ASCC3: variants seen among roughly 807,000 people sequenced by gnomAD.
ASCC3 encodes activating signal cointegrator 1 complex subunit 3.
ASCC3 carries 158 observed loss-of-function variants against 256.3 expected under a neutral mutation model. The observed-to-expected ratio is 0.62, with a 90% CI of 0.54 to 0.70. ASCC3 has a LOEUF of 0.70. ASCC3 is among the 30% of genes least tolerant of loss of function. The pLI is 0.00. For synonymous variants in ASCC3, 948 were observed against 883.4 expected (o/e 1.07, Z -1.30); for missense variants, 2,259 against 2,626.0 (o/e 0.86, Z 3.05).
In ASCC3 at chr6:100,577,758, ACT is replaced by A. The variant is rs916638021; in HGVS notation, c.5550+11874_5550+11875del. 1.6e-3 allele frequency among the ~76,000 whole-genome samples: 246 copies of A among 150,834 alleles called. 1 individual carries two copies. Among genetic ancestry groups the A allele is most frequent in the Admixed American group, 5.5e-3 (84 of 15,140 alleles). On this transcript the variant is annotated intron_variant, in intron 36 of 41. Transcript: ENST00000369162. ...CCCACCCACCCACACACACACACAC[ACT>A]CTCTCACACATACACATAGGAAGTT... is the stretch of plus-strand genomic sequence containing the variant.
chr6:100,848,470 C>A lies in ASCC3; in HGVS notation c.479G>T (p.Arg160Met). The stretch of plus-strand genomic sequence containing the variant: ...TGCTAAATTTTTACCAAAAAAAACC[C>A]TATCGCCATGTTCTTTTTCTGTCAT... The part of the protein sequence containing the change: ...VQMTEKEHGD[R>M]VFFGKNLAFS... The change falls in exon 4 of 42, where the codon AGG becomes ATG. Residue 160 changes from arginine (R) to methionine (M), a missense_variant. Coordinates refer to ENST00000369162, the MANE Select transcript of ASCC3 (RefSeq NM_006828.4). The A allele has an allele frequency of 6.2e-7, 1 of 1,612,746 alleles. No homozygotes were observed. The highest frequency in any genetic ancestry group is 8.5e-7 in the Non-Finnish European group (1 of 1,179,238).
intron 16 of ASCC3, among the ~76,000 whole-genome samples, chr6:100,660,054 G>T (rs1034449984): frequency 1.8e-4 from 28 of 151,558 alleles, no homozygotes; most frequent in South Asian, 2.1e-4. Flanking sequence ...CTGTAAGTCA[G>T]AAAAATTATG....
chr6:100,831,676 A>T (rs977803675), intron 4 of ASCC3, among the ~76,000 whole-genome samples: 1 of 152,174 alleles, frequency 6.6e-6, no homozygotes, highest in African/African-American at 2.4e-5. Flanking sequence ...AGGAATGTGA[A>T]GGGGGAAGCT....
intron 37 of ASCC3, among the ~76,000 whole-genome samples, chr6:100,532,198 C>T (rs1254256418): frequency 6.6e-6 from 1 of 150,568 alleles, no homozygotes; most frequent in East Asian, 1.9e-4. Flanking sequence ...CTGTGGTTGC[C>T]AAATATTTAC....
At chr6:100,633,018 C>T (rs552357409) in intron 25 of ASCC3, among the ~76,000 whole-genome samples, 1 of 152,098 alleles carries the variant, frequency 6.6e-6, no homozygotes, top group Admixed American at 6.5e-5. Flanking sequence ...AACAGAGAGA[C>T]AATGTGAAAT....
At chr6:100,654,303 CAAA>C (rs34148231) in intron 17 of ASCC3, among the ~76,000 whole-genome samples, 1 of 107,044 alleles carries the variant, frequency 9.3e-6, no homozygotes, top group Admixed American at 9.6e-5. Flanking sequence ...ACACACAAAT[CAAA>C]AAAAAAAAAA....
chr6:100,844,558 G>A (rs1772301199), intron 4 of ASCC3, among the ~76,000 whole-genome samples: 1 of 151,906 alleles, frequency 6.6e-6, no homozygotes, highest in Non-Finnish European at 1.5e-5. Flanking sequence ...AAAATAACAT[G>A]GAATATTCAA....
chr6:100,832,373 GA>G (rs1197984948), intron 4 of ASCC3, among the ~76,000 whole-genome samples: 4 of 151,870 alleles, frequency 2.6e-5, no homozygotes, highest in Non-Finnish European at 4.4e-5. Context: ...TCAAGAATGA[GA>G]AAAAAATTTA....
chr6:100,715,636 G>A (rs75025771), intron 12 of ASCC3, 103 bp from the exon 13 acceptor site: 13,785 of 888,630 alleles, frequency 0.016, 675 homozygotes, highest in East Asian at 0.13. Flanking sequence ...AAGCTTTCAG[G>A]CTATCTAGAA....
At chr6:100,603,992 T>C (rs151163043) in intron 33 of ASCC3, among the ~76,000 whole-genome samples, 40 of 152,138 alleles carry the variant, frequency 2.6e-4, no homozygotes, top group Middle Eastern at 3.4e-3. Flanking sequence ...TAGGAGGAGA[T>C]TGTGTACGAT....
rs769199552 is a variant in ASCC3, at chr6:100,715,448, T to A, written c.2151+14A>T. ...GCAGATAAATAAGTGTAAAAGCAGA[T>A]AAAATAAGTGTACCTGGTGTCCAGC... On this transcript the variant is annotated intron_variant, in intron 13 of 41. Transcript: ENST00000369162. 2 of 1,600,792 alleles carry A rather than the reference T, an allele frequency of 1.2e-6. No homozygotes were observed. Among genetic ancestry groups the A allele is most frequent in the Non-Finnish European group, 1.7e-6 (2 of 1,169,120 alleles).
At chr6:100,725,726 A>T (rs750888423) in intron 10 of ASCC3, 23 bp from the exon 11 acceptor site, 6 of 1,611,362 alleles carry the variant, frequency 3.7e-6, no homozygotes, top group Non-Finnish European at 5.1e-6. Flanking sequence ...ACACATTTTA[A>T]AAGGGGAAAG....
chr6:100,721,900 C>A (rs1779357660), intron 11 of ASCC3, among the ~76,000 whole-genome samples: 1 of 151,474 alleles, frequency 6.6e-6, no homozygotes, highest in Non-Finnish European at 1.5e-5. Flanking sequence ...GCTAAAAATT[C>A]TTTGCCAAGG....
intron 25 of ASCC3, among the ~76,000 whole-genome samples, chr6:100,632,468 A>T (rs1027063050): frequency 4.6e-5 from 7 of 152,128 alleles, no homozygotes; most frequent in African/African-American, 1.7e-4. Flanking sequence ...TAGAAAAAAA[A>T]AATCCTAGAA....
intron 4 of ASCC3, among the ~76,000 whole-genome samples, chr6:100,837,229 C>G (rs1771921607): frequency 6.6e-6 from 1 of 151,784 alleles, no homozygotes; most frequent in Non-Finnish European, 1.5e-5. Context: ...AACAAACGAA[C>G]AAAAAACAAC....
intron 13 of ASCC3, among the ~76,000 whole-genome samples, chr6:100,686,268 C>T (rs944240505): frequency 1.1e-4 from 16 of 151,994 alleles, no homozygotes; most frequent in Admixed American, 2.6e-4. Flanking sequence ...TATAATTTTG[C>T]TCCTTATAAT....
intron 13 of ASCC3, among the ~76,000 whole-genome samples, chr6:100,693,236 A>G (rs1366948155): frequency 1.3e-5 from 2 of 152,120 alleles, no homozygotes; most frequent in African/African-American, 4.8e-5. Context: ...TATTTATATA[A>G]AAGCATTTAG....
intron 13 of ASCC3, among the ~76,000 whole-genome samples, chr6:100,684,963 C>G (rs912481715): frequency 6.6e-6 from 1 of 151,854 alleles, no homozygotes; most frequent in African/African-American, 2.4e-5. Context: ...CCCGCCACCA[C>G]GCCCGGCTAA....
intron 13 of ASCC3, among the ~76,000 whole-genome samples, chr6:100,713,879 T>C (rs1161946492): frequency 6.6e-6 from 1 of 152,204 alleles, no homozygotes; most frequent in Non-Finnish European, 1.5e-5. Context: ...ATGTGCATGG[T>C]GATAACATCT....
Sources: gnomAD v4.1 joint callset for allele counts (sites outside exome capture counted in the v4.1 genomes callset) on GRCh38, gnomAD v4.1.1 for gene constraint, MANE v1.5 for transcripts, NCBI Gene and HGNC (gene_info 2026-07-23, HGNC 2026-07-21) for gene names.